Variants in CTTNBP2NL observed in about 807,000 individuals in gnomAD.
CTTNBP2NL encodes the protein CTTNBP2 N-terminal-like protein.
Under a neutral mutation model 32.5 loss-of-function variants are expected in CTTNBP2NL, and 16 were observed. The observed-to-expected ratio is 0.49, with a 90% CI of 0.33 to 0.75. CTTNBP2NL has a LOEUF of 0.75. CTTNBP2NL is among the 30% of genes least tolerant of loss of function. CTTNBP2NL has a pLI of 0.02. For missense variants in CTTNBP2NL, 645 were observed against 756.0 expected (o/e 0.85, Z 1.72); for synonymous variants, 298 against 289.4 (o/e 1.03, Z -0.30).
chr1:112,423,994 A>G (rs903173322), intron 3 of CTTNBP2NL, among the ~76,000 whole-genome samples: 2 of 152,192 alleles, frequency 1.3e-5, no homozygotes, highest in African/African-American at 2.4e-5. Context: ...AAGTGCTGGG[A>G]TTACAGGCAT....
intron 3 of CTTNBP2NL, among the ~76,000 whole-genome samples, chr1:112,423,269 TAACTC>T: frequency 6.6e-6 from 1 of 152,270 alleles, no homozygotes; most frequent in East Asian, 1.9e-4. Flanking sequence ...TTCATTATCT[TAACTC>T]TATTTTTTTT....
At chr1:112,455,048 A>G (rs759285117) in intron 5 of CTTNBP2NL, among the ~76,000 whole-genome samples, 2 of 152,192 alleles carry the variant, frequency 1.3e-5, no homozygotes, top group African/African-American at 4.8e-5. Flanking sequence ...TTCTGTTTAT[A>G]TATTTTTTTA....
intron 3 of CTTNBP2NL, among the ~76,000 whole-genome samples, chr1:112,417,874 A>T (rs982829182): frequency 6.7e-6 from 1 of 149,864 alleles, no homozygotes; most frequent in Non-Finnish European, 1.5e-5. Flanking sequence ...TCTCCAATGT[A>T]TCAGGATTTT....
rs187046055 is a variant in CTTNBP2NL at position 112,448,295 on chromosome 1, T to C, written c.100-647T>C. On this transcript the variant is annotated intron_variant, in intron 3 of 5. Coordinates refer to ENST00000271277, the MANE Select transcript of CTTNBP2NL (RefSeq NM_018704.3). ...GGTTATGAGGTGCCTCCATCCTCCT[T>C]GACCCATCAACAACTGAGTAATGGT... 5.9e-5 allele frequency among the ~76,000 whole-genome samples: 9 copies of C among 152,352 alleles called. No individual in the cohort carries two copies. In the East Asian group the frequency reaches 1.5e-3, roughly 26 times the overall value.
intron 3 of CTTNBP2NL, among the ~76,000 whole-genome samples, chr1:112,444,829 C>T (rs1208471769): frequency 6.6e-6 from 1 of 152,112 alleles, no homozygotes; most frequent in Non-Finnish European, 1.5e-5. Flanking sequence ...AGTGGTAGCA[C>T]ATCTAGTCAT....
At chr1:112,393,505 G>A (rs926327258), upstream of CTTNBP2NL, among the ~76,000 whole-genome samples, 1 of 152,098 alleles carries the variant, frequency 6.6e-6, no homozygotes. Context: ...CTAAGATATT[G>A]TTATGAACCA....
At chr1:112,429,662 C>T (rs1649503479) in intron 3 of CTTNBP2NL, among the ~76,000 whole-genome samples, 1 of 152,076 alleles carries the variant, frequency 6.6e-6, no homozygotes, top group Admixed American at 6.6e-5. Flanking sequence ...ATACCCATTG[C>T]AGCATAATTC....
At chr1:112,415,956 A>G (rs1217190196) in intron 2 of CTTNBP2NL, 1 of 484,818 alleles carries the variant, frequency 2.1e-6, no homozygotes. Flanking sequence ...TAGTGAAATC[A>G]ATAATTAAAG....
At chr1:112,391,089 A>T in the CTTNBP2NL span, among the ~76,000 whole-genome samples, 1 of 152,244 alleles carries the variant, frequency 6.6e-6, no homozygotes, top group Non-Finnish European at 1.5e-5. Context: ...GATAGGGCAG[A>T]TCCAAGCAAG....
chr1:112,457,704 A>G lies in CTTNBP2NL; in HGVS notation c.*292A>G, dbSNP rs1161966619. The G allele has an allele frequency of 1.7e-5, 5 of 290,784 alleles. No individual in the cohort carries two copies. Among genetic ancestry groups the G allele is most frequent in the Admixed American group, 1.4e-4 (3 of 21,462 alleles). The allele number at this position is 290,784 out of a possible 1,614,324, so 18.0% of individuals were successfully genotyped here. A position where few individuals can be genotyped will look rare whatever the true frequency, so the allele number is the denominator to read the frequency against. Reference sequence around the variant, plus strand: ...GCGAATCACCAGGTGGTGATTTGCTATCTATTTGAGAACTAGAATCACTCA... The same window carrying G: ...GCGAATCACCAGGTGGTGATTTGCTGTCTATTTGAGAACTAGAATCACTCA... On this transcript the variant is annotated 3_prime_UTR_variant, in exon 6 of 6. Coordinates refer to ENST00000271277, the MANE Select transcript of CTTNBP2NL (RefSeq NM_018704.3).
intron 3 of CTTNBP2NL, among the ~76,000 whole-genome samples, chr1:112,437,445 A>G (rs535791523): frequency 6.6e-6 from 1 of 152,220 alleles, no homozygotes; most frequent in East Asian, 1.9e-4. Context: ...AAAAGTGTCT[A>G]TTCATGTCCT....
chr1:112,454,502 A>G lies in CTTNBP2NL; in HGVS notation c.384A>G (p.Glu128=), dbSNP rs1458078232. Residue 128 remains glutamate (E), a synonymous_variant, in exon 5 of 6, where the codon GAA becomes GAG. Transcript: ENST00000271277. ...ERQRHAQDTA[E]GDDVTYMLEK... Reference sequence around the variant, plus strand: ...AGCGGCATGCACAGGATACGGCTGAAGGAGATGATGTCACCTACATGCTAG... The same window carrying G: ...AGCGGCATGCACAGGATACGGCTGAGGGAGATGATGTCACCTACATGCTAG... 2 of 1,614,146 alleles carry G rather than the reference A, an allele frequency of 1.2e-6. No individual in the cohort carries two copies. Among genetic ancestry groups the G allele is most frequent in the East Asian group, 2.2e-5 (1 of 44,882 alleles).
chr1:112,454,267 C>G (rs543128190), intron 4 of CTTNBP2NL, among the ~76,000 whole-genome samples, 182 bp from the exon 5 acceptor site: 2 of 152,208 alleles, frequency 1.3e-5, no homozygotes, highest in Non-Finnish European at 2.9e-5. Flanking sequence ...TAACACAGAG[C>G]TTTCATGTCT....
chr1:112,449,831 C>T (rs1452426355), intron 4 of CTTNBP2NL, among the ~76,000 whole-genome samples: 3 of 151,620 alleles, frequency 2.0e-5, no homozygotes, highest in Admixed American at 2.0e-4. Flanking sequence ...AGCTGTTCTA[C>T]CCTATTAGTA....
At position 112,458,619 on chromosome 1, in the gene CTTNBP2NL, AT is replaced by A. The variant is rs1385093711; in HGVS notation, c.*1211del. 1 of 152,150 alleles carries A rather than the reference AT, an allele frequency of 6.6e-6. No individual in the cohort carries two copies. The highest frequency in any genetic ancestry group is 1.5e-5 in the Non-Finnish European group (1 of 68,020). The allele number at this position is 152,150 out of a possible 1,614,324, so 9.4% of individuals were successfully genotyped here. A position where few individuals can be genotyped will look rare whatever the true frequency, so the allele number is the denominator to read the frequency against. On this transcript the variant is annotated 3_prime_UTR_variant, in exon 6 of 6. Coordinates refer to ENST00000271277, the MANE Select transcript of CTTNBP2NL (RefSeq NM_018704.3). ...TGGCTGGGACACAATCAAAGGAGGA[AT>A]TTTGTCCACAGGAAGGTGAGGAAAT...
chr1:112,424,388 C>G (rs1478256601), intron 3 of CTTNBP2NL, among the ~76,000 whole-genome samples: 1 of 152,138 alleles, frequency 6.6e-6, no homozygotes, highest in Non-Finnish European at 1.5e-5. Flanking sequence ...ATCTATTTGT[C>G]TACCTTGATG....
At chr1:112,431,965 G>A (rs1025071969) in intron 3 of CTTNBP2NL, among the ~76,000 whole-genome samples, 2 of 149,448 alleles carry the variant, frequency 1.3e-5, no homozygotes, top group African/African-American at 2.4e-5. Context: ...ATTAGAAAAA[G>A]AAATGGTCTG....
chr1:112,418,176 T>G (rs1418445131), intron 3 of CTTNBP2NL, among the ~76,000 whole-genome samples: 1 of 152,242 alleles, frequency 6.6e-6, no homozygotes, highest in African/African-American at 2.4e-5. Context: ...ACCATATGGC[T>G]TACTGTCACT....
chr1:112,455,540 GTGTT>G (rs1238832174), intron 5 of CTTNBP2NL, among the ~76,000 whole-genome samples: 3 of 152,198 alleles, frequency 2.0e-5, no homozygotes, highest in African/African-American at 7.2e-5. Context: ...CTATTTGTGT[GTGTT>G]TGTTTCTGAG....
Sources: gnomAD v4.1 joint callset for allele counts (sites outside exome capture counted in the v4.1 genomes callset) on GRCh38, gnomAD v4.1.1 for gene constraint, MANE v1.5 for transcripts, NCBI Gene and HGNC (gene_info 2026-07-23, HGNC 2026-07-21) for gene names.